Variants in MRTFB observed in about 807,000 individuals in gnomAD.
MRTFB encodes the protein myocardin-related transcription factor B.
Under a neutral mutation model 104.2 loss-of-function variants are expected in MRTFB, and 29 were observed. The ratio of observed to expected loss-of-function variants is 0.28; its 90% CI spans 0.21 to 0.38. The LOEUF (loss-of-function observed/expected upper bound fraction) is 0.38. Among genes scored for constraint, MRTFB ranks in the 10% least tolerant of loss-of-function variants. MRTFB has a pLI of 1.00. For synonymous variants in MRTFB, 535 were observed against 519.5 expected (o/e 1.03, Z -0.41); for missense variants, 1,270 against 1,341.6 (o/e 0.95, Z 0.83).
At chr16:14,198,769 C>A (rs920434867) in intron 3 of MRTFB, among the ~76,000 whole-genome samples, 1 of 152,218 alleles carries the variant, frequency 6.6e-6, no homozygotes, top group African/African-American at 2.4e-5. Context: ...AGCTGTAAAG[C>A]TTCTTGCAGC....
At chr16:14,246,410 A>C in intron 11 of MRTFB, 63 bp from the exon 12 acceptor site, 2 of 1,534,576 alleles carry the variant, frequency 1.3e-6, no homozygotes, top group Non-Finnish European at 1.8e-6. Context: ...CCATCACAAA[A>C]GCGTACTGTA....
Position 14,166,644 on chromosome 16 carries a change from T to C in MRTFB, c.154+25884T>C, listed in dbSNP as rs189007687. On this transcript the variant is annotated intron_variant, in intron 3 of 16. Transcript: ENST00000571589. ...GCCCAGCATGCATTAGCTGTCTTCC[T>C]GATGCTCTCCTGCCCACCGCACCCA... is the stretch of plus-strand genomic sequence containing the variant. Among the ~76,000 whole-genome samples, 89 of 152,282 alleles carry C rather than the reference T, an allele frequency of 5.8e-4. No individual in the cohort carries two copies. In the Middle Eastern group the frequency reaches 0.01, roughly 17 times the overall value.
At chr16:14,195,373 G>A in intron 3 of MRTFB, 4 of 278,840 alleles carry the variant, frequency 1.4e-5, no homozygotes, top group Non-Finnish European at 2.2e-5. Flanking sequence ...TAACACACAA[G>A]TTATGGCAGT....
rs1004764998 is a variant in MRTFB at position 14,215,776 on chromosome 16, T to C, written c.353-1350T>C. ...ACACACATTTTAACTTGTAGATGTCTACATTTATTTACCAATATTCCAACC... is the reference window on the plus strand; with the variant it reads ...ACACACATTTTAACTTGTAGATGTCCACATTTATTTACCAATATTCCAACC... On this transcript the variant is annotated intron_variant, in intron 6 of 16. Transcript: ENST00000571589. Among the ~76,000 whole-genome samples the C allele has an allele frequency of 3.9e-5, 6 of 152,266 alleles. No individual in the cohort carries two copies. The East Asian group carries it at 1.2e-3, about 29-fold the overall frequency.
At chr16:14,103,938 T>A (rs368719544) in intron 2 of MRTFB, among the ~76,000 whole-genome samples, 1 of 152,222 alleles carries the variant, frequency 6.6e-6, no homozygotes, top group East Asian at 1.9e-4. Context: ...TGGGAGAAAC[T>A]CTGCCTGGTT....
intron 3 of MRTFB, chr16:14,200,261 A>C: frequency 6.7e-7 from 1 of 1,492,014 alleles, no homozygotes; most frequent in Non-Finnish European, 9.3e-7. Context: ...TGTTAGATAC[A>C]GCCTTTAAGA....
In MRTFB at chr16:14,107,378, C is replaced by G. The variant is rs146429977; in HGVS notation, c.-64+28024C>G. Among the ~76,000 whole-genome samples, 803 of 152,328 alleles carry G rather than the reference C, an allele frequency of 5.3e-3. 8 individuals carry two copies. The highest frequency in any genetic ancestry group is 0.018 in the African/African-American group (748 of 41,578). On this transcript the variant is annotated intron_variant, in intron 2 of 16. Transcript: ENST00000571589. The stretch of plus-strand genomic sequence containing the variant: ...CCCATTCACGCCTAGAATCTCTCTC[C>G]CATGGAATTGAAATTCCATCATTTT...
chr16:14,192,457 A>G (rs759561310), intron 3 of MRTFB, among the ~76,000 whole-genome samples: 2 of 152,198 alleles, frequency 1.3e-5, no homozygotes, highest in Non-Finnish European at 2.9e-5. Flanking sequence ...CACAGACATT[A>G]TTCAGTATTT....
intron 9 of MRTFB, among the ~76,000 whole-genome samples, chr16:14,237,186 A>G (rs558308076): frequency 6.6e-6 from 1 of 152,358 alleles, no homozygotes; most frequent in Non-Finnish European, 1.5e-5. Context: ...AATGGCATTT[A>G]AAGCCATGAA....
At chr16:14,043,336 C>G in the MRTFB span, among the ~76,000 whole-genome samples, 1 of 151,988 alleles carries the variant, frequency 6.6e-6, no homozygotes, top group Non-Finnish European at 1.5e-5. Context: ...TCTCAAGCAC[C>G]CATTTGTTCC....
Position 14,127,918 on chromosome 16 carries a change from TATATATATATA to T in MRTFB, c.-63-12625_-63-12615del, listed in dbSNP as rs1347385131. The stretch of plus-strand genomic sequence containing the variant: ...AAAACTGAATATATATATATATATA[TATATATATATA>T]TTTTTTTTTTTTTTTTTTTTTTCTT... On this transcript the variant is annotated intron_variant, in intron 2 of 16. Coordinates refer to ENST00000571589, the MANE Select transcript of MRTFB (RefSeq NM_001308142.2). Among the ~76,000 whole-genome samples, 4 of 40,780 alleles carry T rather than the reference TATATATATATA, an allele frequency of 9.8e-5. No homozygotes were observed. The African/African-American group carries it at 1.3e-3, about 13-fold the overall frequency. The allele number at this position is 40,780 out of a possible 152,430, so 26.8% of individuals were successfully genotyped here.
At chr16:14,200,767 G>T in intron 3 of MRTFB, 1 of 1,472,102 alleles carries the variant, frequency 6.8e-7, no homozygotes, top group Non-Finnish European at 9.5e-7. Flanking sequence ...CAGTGCTGTG[G>T]GTGATACTTG....
At chr16:14,129,965 AAC>A (rs2037355565) in intron 2 of MRTFB, among the ~76,000 whole-genome samples, 1 of 152,126 alleles carries the variant, frequency 6.6e-6, no homozygotes, top group Non-Finnish European at 1.5e-5. Context: ...AGTAGCTGGG[AAC>A]ACAGGCTCGT....
intron 15 of MRTFB, among the ~76,000 whole-genome samples, chr16:14,253,048 C>T (rs1485291615): frequency 6.6e-6 from 1 of 152,160 alleles, no homozygotes; most frequent in East Asian, 1.9e-4. Context: ...CCTGGTTTCA[C>T]CACACATGGT....
chr16:14,142,984 A>C (rs1410311502), intron 3 of MRTFB: 1 of 152,168 alleles, frequency 6.6e-6, no homozygotes, highest in Non-Finnish European at 1.5e-5. Flanking sequence ...CATTGTTCAT[A>C]AAACCATCCT....
intron 2 of MRTFB, among the ~76,000 whole-genome samples, chr16:14,117,352 C>T (rs192012200): frequency 6.6e-6 from 1 of 152,268 alleles, no homozygotes. Context: ...AAGGCCCTTA[C>T]ACCCTTCCTT....
chr16:14,165,246 G>A (rs2039192669), intron 3 of MRTFB, among the ~76,000 whole-genome samples: 1 of 152,062 alleles, frequency 6.6e-6, no homozygotes, highest in Non-Finnish European at 1.5e-5. Flanking sequence ...GTGCATGGAT[G>A]ATCTGAGATG....
chr16:14,227,275 G>GT (rs1329937113), intron 8 of MRTFB, among the ~76,000 whole-genome samples: 4,022 of 145,378 alleles, frequency 0.028, 203 homozygotes, highest in African/African-American at 0.11. Context: ...AGAGCTTGTT[G>GT]TTAAAAAAAC....
intron 11 of MRTFB, among the ~76,000 whole-genome samples, chr16:14,245,939 G>A (rs906468476): frequency 6.6e-6 from 1 of 152,158 alleles, no homozygotes. Flanking sequence ...TCAATGCCAA[G>A]TTTGGGAAAA....
Sources: gnomAD v4.1 joint callset for allele counts (sites outside exome capture counted in the v4.1 genomes callset) on GRCh38, gnomAD v4.1.1 for gene constraint, MANE v1.5 for transcripts, NCBI Gene and HGNC (gene_info 2026-07-23, HGNC 2026-07-21) for gene names.